DRC11L: variants seen among roughly 807,000 people sequenced by gnomAD.
DRC11L encodes dynein regulatory complex subunit like-11.
chr7:151,195,366 C>T, the DRC11L span: 2 of 398,844 alleles, frequency 5.0e-6, no homozygotes, highest in South Asian at 1.3e-4. Context: ...GCAGTCAGGT[C>T]CCTGGACTGG....
chr7:151,201,084 C>T, the DRC11L span, among the ~76,000 whole-genome samples: 1 of 152,244 alleles, frequency 6.6e-6, no homozygotes. The surrounding 1 kb of genome is among the most constrained non-coding windows in gnomAD (Gnocchi z 4.1). Context: ...CTTTCAGACT[C>T]CAGGATCACT....
the DRC11L span, chr7:151,204,914 A>G: frequency 2.5e-6 from 1 of 398,784 alleles, no homozygotes; most frequent in African/African-American, 2.1e-5. Flanking sequence ...CCTTTTGAGG[A>G]GTGTGGGCTC....
the DRC11L span, chr7:151,197,230 C>G: frequency 2.5e-6 from 1 of 399,606 alleles, no homozygotes; most frequent in Non-Finnish European, 4.4e-6. Context: ...TTCTTCCTTT[C>G]CTTTCTTCTT....
the DRC11L span, chr7:151,194,249 C>T: frequency 2.5e-6 from 1 of 399,072 alleles, no homozygotes; most frequent in Non-Finnish European, 4.4e-6. Context: ...CCCCCAGAGC[C>T]TCTCACCAAG....
At chr7:151,193,453 G>A in the DRC11L span, 540 of 399,386 alleles carry the variant, frequency 1.4e-3, no homozygotes, top group Non-Finnish European at 2.0e-3. Context: ...GGAGGATGGA[G>A]CGGATGAGTG....
the DRC11L span, chr7:151,195,850 C>G: frequency 1.3e-5 from 5 of 385,164 alleles, no homozygotes; most frequent in African/African-American, 8.3e-5. Flanking sequence ...CTCCTGGCAC[C>G]TGTTCACACC....
the DRC11L span, chr7:151,192,222 G>A: frequency 2.0e-5 from 8 of 398,924 alleles, no homozygotes; most frequent in East Asian, 1.1e-4. Flanking sequence ...GGTATGGGGC[G>A]GGAGGTGGGC....
chr7:151,197,805 C>A, the DRC11L span: 1 of 399,078 alleles, frequency 2.5e-6, no homozygotes, highest in South Asian at 1.3e-4. Context: ...CCATCTGCCC[C>A]ACCTCCAACA....
chr7:151,204,431 G>C, the DRC11L span: 1 of 397,668 alleles, frequency 2.5e-6, no homozygotes, highest in Non-Finnish European at 4.4e-6. Flanking sequence ...TGTCCCAGGT[G>C]GTCAAGGCCG....
At chr7:151,196,221 G>C in the DRC11L span, among the ~76,000 whole-genome samples, 1 of 152,200 alleles carries the variant, frequency 6.6e-6, no homozygotes. Flanking sequence ...TGGGACCGGG[G>C]GAGGCAGAGG....
chr7:151,192,011 C>T, the DRC11L span: 89 of 398,120 alleles, frequency 2.2e-4, 1 homozygote, highest in Non-Finnish European at 3.4e-4. Context: ...CATCAGCTCC[C>T]CTTCCCCAGG....
At chr7:151,196,155 G>A in the DRC11L span, among the ~76,000 whole-genome samples, 8 of 152,148 alleles carry the variant, frequency 5.3e-5, no homozygotes, top group African/African-American at 1.7e-4. Context: ...GGACACCCTG[G>A]CTCCGAGCCC....
At chr7:151,197,042 G>A in the DRC11L span, 12 of 399,530 alleles carry the variant, frequency 3.0e-5, no homozygotes, top group Admixed American at 2.6e-4. Context: ...TTGCAACACC[G>A]CATCCACTTC....
chr7:151,196,303 G>C, the DRC11L span: 1 of 396,446 alleles, frequency 2.5e-6, no homozygotes, highest in Non-Finnish European at 4.4e-6. Context: ...TACCGAGGAT[G>C]AGCTGGGGAC....
chr7:151,194,197 C>A, the DRC11L span: 2 of 397,936 alleles, frequency 5.0e-6, no homozygotes, highest in South Asian at 2.6e-4. Context: ...CTGACCCCAG[C>A]CCTCACCCCA....
At chr7:151,204,076 T>C in the DRC11L span, among the ~76,000 whole-genome samples, 1 of 152,126 alleles carries the variant, frequency 6.6e-6, no homozygotes, top group Non-Finnish European at 1.5e-5. Context: ...GATTCAGAGT[T>C]TCTCATTTGT....
At chr7:151,204,931 C>T in the DRC11L span, 1 of 398,586 alleles carries the variant, frequency 2.5e-6, no homozygotes, top group Non-Finnish European at 4.4e-6. Context: ...GCTCGGGGTA[C>T]CAGAAGGTGT....
At chr7:151,198,599 A>G in the DRC11L span, among the ~76,000 whole-genome samples, 1 of 152,078 alleles carries the variant, frequency 6.6e-6, no homozygotes, top group Non-Finnish European at 1.5e-5. Flanking sequence ...AGGTGTGGAG[A>G]TGGTCCTGTA....
At chr7:151,192,657 G>T in the DRC11L span, 1 of 398,970 alleles carries the variant, frequency 2.5e-6, no homozygotes, top group South Asian at 1.3e-4. Flanking sequence ...TTGGGGTTTG[G>T]AGCGACTGGA....
Sources: gnomAD v4.1 joint callset for allele counts (sites outside exome capture counted in the v4.1 genomes callset) on GRCh38, gnomAD v4.1.1 for gene constraint, Gnocchi (gnomAD v3.1) non-coding constraint, MANE v1.5 for transcripts, NCBI Gene and HGNC (gene_info 2026-07-23, HGNC 2026-07-21) for gene names.